The following DAPK2 variants were observed in gnomAD, a reference collection of about 807,000 sequenced individuals.
DAPK2 encodes death associated protein kinase 2, also known as death-associated protein kinase 2.
DAPK2 carries 35 observed loss-of-function variants against 44.1 expected under a neutral mutation model. The observed-to-expected ratio is 0.79, with a 90% confidence interval of 0.61 to 1.05. The LOEUF (loss-of-function observed/expected upper bound fraction) is 1.05, where lower values mean the gene tolerates loss of function less well. Among genes scored for constraint, DAPK2 ranks in the 50% least tolerant of loss-of-function variants. DAPK2 has a pLI of 0.00. For synonymous variants in DAPK2, 174 were observed against 182.6 expected (o/e 0.95, Z 0.38); for missense variants, 453 against 483.2 (o/e 0.94, Z 0.59).
chr15:63,952,221 C>T, intron 3 of DAPK2, among the ~76,000 whole-genome samples: 1 of 152,046 alleles, frequency 6.6e-6, no homozygotes, highest in Middle Eastern at 3.2e-3. Context: ...GCCTGGGAGA[C>T]AGAGTGAGAT....
intron 4 of DAPK2, among the ~76,000 whole-genome samples, chr15:63,933,775 T>A (rs115097224): frequency 0.018 from 2,658 of 151,878 alleles, 80 homozygotes; most frequent in African/African-American, 0.062. Context: ...TTTTTAAATT[T>A]TTTTGTAGAG....
chr15:63,927,185 G>A (rs754341581), intron 6 of DAPK2, among the ~76,000 whole-genome samples: 1 of 152,160 alleles, frequency 6.6e-6, no homozygotes, highest in Non-Finnish European at 1.5e-5. Context: ...TAAGGGCTCT[G>A]GAATTAATGG....
In DAPK2 at chr15:63,923,190, C is replaced by A; in HGVS notation, c.858+1626G>T. The A allele has an allele frequency of 1.3e-6, 2 of 1,535,926 alleles. No individual in the cohort carries two copies. The highest frequency in any genetic ancestry group is 1.7e-6 in the Non-Finnish European group (2 of 1,146,738). ...CATCCCAGGTCGACCCGAGCCACGTCTTCCACCACACAGGCAAAACGCTCG... is the reference window on the plus strand; with the variant it reads ...CATCCCAGGTCGACCCGAGCCACGTATTCCACCACACAGGCAAAACGCTCG... On this transcript the variant is annotated intron_variant, in intron 8 of 10. Coordinates refer to ENST00000261891, the Ensembl canonical transcript of DAPK2. The surrounding 1 kb of genome is among the most constrained non-coding windows in gnomAD (Gnocchi z 4.2).
At chr15:63,954,327 A>G (rs568837792) in intron 3 of DAPK2, among the ~76,000 whole-genome samples, 2 of 152,276 alleles carry the variant, frequency 1.3e-5, no homozygotes, top group African/African-American at 4.8e-5. Context: ...ATTTTTCTAT[A>G]TGGTAAGAAA....
At chr15:63,910,628 A>C (rs2078761705) in intron 10 of DAPK2, 1 of 151,624 alleles carries the variant, frequency 6.6e-6, no homozygotes, top group South Asian at 2.1e-4. Context: ...GTAACCTTTA[A>C]CTCCTGGGCT....
chr15:63,999,726 TAA>T, intron 1 of DAPK2, among the ~76,000 whole-genome samples: 1 of 152,240 alleles, frequency 6.6e-6, no homozygotes, highest in Non-Finnish European at 1.5e-5. Context: ...GCACCATTTT[TAA>T]GTCTTCTTGT....
At position 63,939,185 on chromosome 15, in the gene DAPK2, T is replaced by G. The variant is rs533291476; in HGVS notation, c.583+47A>C. On this transcript the variant is annotated intron_variant, in intron 4 of 10. Transcript: ENST00000261891. The surrounding 1 kb of genome is among the most constrained non-coding windows in gnomAD (Gnocchi z 4.3). Reference sequence around the variant, plus strand: ...CAGGTTTCTTCCCAGGATCCCTACCTTTGATGCCAGATTCTTAGCTGAAAG... The same window carrying G: ...CAGGTTTCTTCCCAGGATCCCTACCGTTGATGCCAGATTCTTAGCTGAAAG... 1 of 1,608,796 alleles carries G rather than the reference T, an allele frequency of 6.2e-7. No individual in the cohort carries two copies. The highest frequency in any genetic ancestry group is 1.3e-5 in the African/African-American group (1 of 74,794).
At position 64,046,321 on chromosome 15, in the gene DAPK2, T is replaced by TCGCGGC; in HGVS notation, c.-31_-30insGCCGCG. On this transcript the variant is annotated 5_prime_UTR_variant, in exon 1 of 12. Coordinates refer to the DAPK2 transcript ENST00000457488. This position sits in a 1 kb window ranked among gnomAD's most constrained non-coding sequence, Gnocchi z 5.3. Reference sequence around the variant, plus strand: ...ACGGCGGGAGGCTGAGCTGCCGCGGTCGCGGCCGCGGCAGGCGCGGCGGGA... The same window carrying TCGCGGC: ...ACGGCGGGAGGCTGAGCTGCCGCGGTCGCGGCCGCGGCCGCGGCAGGCGCGGCGGGA... The TCGCGGC allele has an allele frequency of 5.3e-6, 5 of 948,848 alleles. No homozygotes were observed. Among genetic ancestry groups the TCGCGGC allele is most frequent in the Non-Finnish European group, 6.2e-6 (5 of 810,136 alleles). 58.8% of individuals were successfully genotyped at this position (948,848 alleles called of 1,614,324 possible).
intron 1 of DAPK2, among the ~76,000 whole-genome samples, chr15:64,031,493 A>AG (rs2080015250): frequency 6.6e-6 from 1 of 152,162 alleles, no homozygotes; most frequent in African/African-American, 2.4e-5. Flanking sequence ...TCGTCCTCCC[A>AG]AAGTGTTGGG....
chr15:64,026,265 G>T (rs994784812), intron 1 of DAPK2, among the ~76,000 whole-genome samples: 3 of 151,750 alleles, frequency 2.0e-5, no homozygotes, highest in Non-Finnish European at 2.9e-5. Flanking sequence ...TTTTTTTAAG[G>T]CAGTCTCTCA....
At chr15:64,011,088 G>A (rs530772898) in intron 1 of DAPK2, among the ~76,000 whole-genome samples, 1 of 152,276 alleles carries the variant, frequency 6.6e-6, no homozygotes, top group Admixed American at 6.5e-5. Context: ...CATAAAGGCA[G>A]GACAATGGAA....
At chr15:63,983,957 A>G (rs2078603211) in intron 1 of DAPK2, among the ~76,000 whole-genome samples, 1 of 152,148 alleles carries the variant, frequency 6.6e-6, no homozygotes, top group South Asian at 2.1e-4. Context: ...CATTCCTTCT[A>G]TGAGGAATGA....
chr15:63,969,451 A>G (rs1226705809), intron 3 of DAPK2, among the ~76,000 whole-genome samples: 1 of 147,102 alleles, frequency 6.8e-6, no homozygotes, highest in East Asian at 2.1e-4. Context: ...ACAAACTGAC[A>G]ATCATGGCCA....
intron 1 of DAPK2, among the ~76,000 whole-genome samples, chr15:63,993,600 T>C (rs2078873249): frequency 1.3e-5 from 2 of 152,074 alleles, no homozygotes; most frequent in African/African-American, 4.8e-5. Flanking sequence ...TGTTTATTTC[T>C]TCACCATGAC....
intron 6 of DAPK2, among the ~76,000 whole-genome samples, chr15:63,927,503 C>T (rs546585159): frequency 6.6e-6 from 1 of 152,298 alleles, no homozygotes; most frequent in East Asian, 1.9e-4. Flanking sequence ...CCAGTGGCTC[C>T]CCATCTGTGT....
chr15:64,041,770 G>T (rs1047192476), upstream of DAPK2, among the ~76,000 whole-genome samples: 8 of 152,144 alleles, frequency 5.3e-5, no homozygotes, highest in Admixed American at 2.0e-4. Context: ...CTCTCAGCGG[G>T]TGTATACATT....
intron 3 of DAPK2, among the ~76,000 whole-genome samples, chr15:63,963,381 T>C (rs1000915310): frequency 3.9e-5 from 6 of 152,178 alleles, no homozygotes; most frequent in African/African-American, 7.2e-5. Flanking sequence ...GGTACCTCAG[T>C]TGGAAATGCA....
At chr15:63,951,115 T>G (rs2077574074) in intron 3 of DAPK2, among the ~76,000 whole-genome samples, 1 of 152,210 alleles carries the variant, frequency 6.6e-6, no homozygotes, top group Non-Finnish European at 1.5e-5. Context: ...TCTCATGACT[T>G]GTTATTTTGA....
intron 3 of DAPK2, among the ~76,000 whole-genome samples, chr15:63,970,689 A>T (rs2078187946): frequency 6.6e-6 from 1 of 152,222 alleles, no homozygotes; most frequent in Admixed American, 6.5e-5. Context: ...TCTCCCCAGC[A>T]AACAGGTCAT....
Sources: allele counts gnomAD v4.1 joint callset (sites outside exome capture counted in the v4.1 genomes callset), GRCh38; gene constraint gnomAD v4.1.1; non-coding constraint Gnocchi (gnomAD v3.1); transcripts MANE v1.5; gene names NCBI Gene and HGNC (gene_info 2026-07-23, HGNC 2026-07-21).